The following TG variants were observed in gnomAD, a reference collection of about 807,000 sequenced individuals.
The protein encoded by TG is thyroglobulin.
TG carries 270 observed loss-of-function variants against 324.7 expected under a neutral mutation model. The ratio of observed to expected loss-of-function variants is 0.83; its 90% CI spans 0.75 to 0.92. The LOEUF is 0.92. Ranked by LOEUF, TG falls within the 40% of genes least tolerant of loss-of-function variation. The pLI is 0.00. For missense variants in TG, 3,591 were observed against 3,456.4 expected (o/e 1.04, Z -0.98); for synonymous variants, 1,401 against 1,327.0 (o/e 1.06, Z -1.21).
At chr8:133,070,669 C>T (rs1843866573) in intron 41 of TG, among the ~76,000 whole-genome samples, 1 of 152,206 alleles carries the variant, frequency 6.6e-6, no homozygotes, top group Non-Finnish European at 1.5e-5. Context: ...ACTCCCACTC[C>T]TAATTCCTTC....
At chr8:133,095,510 A>G (rs1848273742) in intron 42 of TG, among the ~76,000 whole-genome samples, 1 of 152,232 alleles carries the variant, frequency 6.6e-6, no homozygotes, top group Non-Finnish European at 1.5e-5. Flanking sequence ...CACACATGTG[A>G]AGGATTTGGC....
chr8:133,038,439 C>A (rs1837480264), intron 41 of TG: 2 of 1,081,344 alleles, frequency 1.8e-6, no homozygotes, highest in Non-Finnish European at 2.8e-6. Flanking sequence ...TCCCAGGGAT[C>A]AGGGAACCTC....
chr8:132,947,916 G>A (rs948214187), intron 26 of TG, among the ~76,000 whole-genome samples: 1 of 152,128 alleles, frequency 6.6e-6, no homozygotes, highest in African/African-American at 2.4e-5. Flanking sequence ...TATCAAATTC[G>A]ATTACCTTGG....
At chr8:132,886,400 G>T in intron 8 of TG, 48 bp from the exon 9 acceptor site, 1 of 1,612,376 alleles carries the variant, frequency 6.2e-7, no homozygotes, top group Non-Finnish European at 8.5e-7. Flanking sequence ...TCTCAGGATT[G>T]CTTGTGACAT....
Position 132,886,475 on chromosome 8 carries a change from G to A in TG, c.1103G>A (p.Arg368Lys), listed in dbSNP as rs774460524. 1 of 1,614,188 alleles carries A rather than the reference G, an allele frequency of 6.2e-7. No homozygotes were observed. Among genetic ancestry groups the A allele is most frequent in the Admixed American group, 1.7e-5 (1 of 60,026 alleles). The part of the protein sequence containing the change: ...CAEGQSCASE[R>K]QQALSRLYFG... Reference sequence around the variant, plus strand: ...GAAGGCCAATCTTGTGCCTCCGAAAGGCAGCAGGCCTTGTCCAGACTCTAC... The same window carrying A: ...GAAGGCCAATCTTGTGCCTCCGAAAAGCAGCAGGCCTTGTCCAGACTCTAC... The change falls in exon 9 of 48, where the codon AGG (arginine) becomes AAG (lysine). Residue 368 changes from arginine (R) to lysine (K), a missense_variant. Arg to Lys is a conservative substitution (Grantham distance 26). Coordinates refer to ENST00000220616, the MANE Select transcript of TG (RefSeq NM_003235.5).
chr8:133,101,225 G>A (rs770997481), intron 43 of TG, among the ~76,000 whole-genome samples: 18 of 152,180 alleles, frequency 1.2e-4, no homozygotes, highest in Non-Finnish European at 2.2e-4. Context: ...ACACAGAACT[G>A]CAAGAGGGCA....
At chr8:133,114,315 C>T (rs1192148693) in intron 44 of TG, among the ~76,000 whole-genome samples, 2 of 152,156 alleles carry the variant, frequency 1.3e-5, no homozygotes, top group Middle Eastern at 3.2e-3. Context: ...GGCTGCCAAA[C>T]CCCCACCCCA....
chr8:133,000,718 C>T (rs757797776), intron 35 of TG, among the ~76,000 whole-genome samples: 4 of 152,236 alleles, frequency 2.6e-5, no homozygotes, highest in East Asian at 1.9e-4. Flanking sequence ...TATGTGCATG[C>T]GATAGGGTGG....
chr8:132,910,913 G>A (rs1309599001), intron 18 of TG, among the ~76,000 whole-genome samples: 1 of 152,144 alleles, frequency 6.6e-6, no homozygotes, highest in Admixed American at 6.5e-5. Context: ...CCCCAACCCT[G>A]AGGAGCCTGC....
rs149882670 is a variant in TG, at chr8:133,038,284, G to A, written c.7239+8261G>A. The A allele has an allele frequency of 2.5e-4, 140 of 550,480 alleles. 2 individuals carry two copies. The highest frequency in any genetic ancestry group is 2.0e-3 in the African/African-American group (106 of 52,940). The allele number at this position is 550,480 out of a possible 1,614,324, so 34.1% of individuals were successfully genotyped here. On this transcript the variant is annotated intron_variant, in intron 41 of 47. Transcript: ENST00000220616. ...TACATGCTGGGCTCTTCCAAGCATCGCCCGACATGTCATGATCCAATGTTT... is the reference window on the plus strand; with the variant it reads ...TACATGCTGGGCTCTTCCAAGCATCACCCGACATGTCATGATCCAATGTTT...
intron 33 of TG, 143 bp downstream of exon 33, chr8:132,972,016 G>A: frequency 2.8e-6 from 2 of 717,040 alleles, no homozygotes; most frequent in Non-Finnish European, 5.1e-6. Context: ...GAGGGCAACT[G>A]GCTAATAAAT....
At chr8:133,046,875 C>T (rs373118835) in intron 41 of TG, among the ~76,000 whole-genome samples, 4 of 152,194 alleles carry the variant, frequency 2.6e-5, no homozygotes, top group African/African-American at 9.7e-5. Context: ...GTGAAGGGCT[C>T]TAGCACCAGG....
intron 24 of TG, among the ~76,000 whole-genome samples, chr8:132,935,059 C>T (rs1403704238): frequency 2.0e-5 from 3 of 152,126 alleles, no homozygotes; most frequent in Non-Finnish European, 4.4e-5. Flanking sequence ...TCTGAAAACA[C>T]CCATGAAATT....
At chr8:133,106,609 C>G (rs1042806914) in intron 43 of TG, 1 of 288,276 alleles carries the variant, frequency 3.5e-6, no homozygotes, top group Non-Finnish European at 5.2e-6. Flanking sequence ...ATGTCTGAAC[C>G]CTACCCTCTC....
chr8:133,113,495 G>A lies in TG; in HGVS notation c.7646G>A (p.Gly2549Asp). Residue 2549 changes from glycine (G) to aspartate (D), a missense_variant, in exon 44 of 48, where the codon GGC (glycine) becomes GAC (aspartate). Coordinates refer to ENST00000220616, the MANE Select transcript of TG (RefSeq NM_003235.5). Reference sequence around the variant, plus strand: ...CAGGCACTGCAGAATTCTCTGGGTGGCGAGGACTCAGATGCCCGCGTCGAG... The same window carrying A: ...CAGGCACTGCAGAATTCTCTGGGTGACGAGGACTCAGATGCCCGCGTCGAG... ...FYQALQNSLG[G>D]EDSDARVEAA... 1.2e-6 allele frequency: 2 copies of A among 1,614,070 alleles called. No individual in the cohort carries two copies. Among genetic ancestry groups the A allele is most frequent in the South Asian group, 2.2e-5 (2 of 91,072 alleles).
At chr8:133,004,061 A>G (rs1418765126) in intron 35 of TG, among the ~76,000 whole-genome samples, 1 of 152,212 alleles carries the variant, frequency 6.6e-6, no homozygotes, top group African/African-American at 2.4e-5. Flanking sequence ...ACTCATTGCT[A>G]GTCTATCTGG....
chr8:132,948,303 G>A (rs992552957), intron 26 of TG, among the ~76,000 whole-genome samples: 6 of 152,012 alleles, frequency 3.9e-5, no homozygotes, highest in East Asian at 1.9e-4. Context: ...GAGCGAGAGC[G>A]AGAGTGAGAG....
intron 6 of TG, 106 bp from the exon 7 acceptor site, chr8:132,882,362 TA>T: frequency 7.6e-7 from 1 of 1,315,018 alleles, no homozygotes; most frequent in Non-Finnish European, 1.1e-6. Flanking sequence ...ACTTATTGCC[TA>T]ATGATGCTGG....
chr8:132,936,264 G>A (rs1385857926), intron 25 of TG, among the ~76,000 whole-genome samples: 1 of 152,224 alleles, frequency 6.6e-6, no homozygotes, highest in Non-Finnish European at 1.5e-5. Context: ...CCAAGAGGCT[G>A]GGCAAACTGC....
Sources: allele counts gnomAD v4.1 joint callset (sites outside exome capture counted in the v4.1 genomes callset), GRCh38; gene constraint gnomAD v4.1.1; transcripts MANE v1.5; gene names NCBI Gene and HGNC (gene_info 2026-07-23, HGNC 2026-07-21).